The following RIPOR3 variants were observed in gnomAD, a reference collection of about 807,000 sequenced individuals.
RIPOR3 encodes family with sequence similarity 65 member C.
A neutral mutation model predicts 114.3 loss-of-function variants in RIPOR3; 95 were observed. The observed-to-expected ratio is 0.83, with a 90% CI of 0.70 to 0.99. The LOEUF (loss-of-function observed/expected upper bound fraction) is 0.99, where lower values mean the gene tolerates loss of function less well. Ranked by LOEUF, RIPOR3 falls within the 50% of genes least tolerant of loss-of-function variation. The pLI is 0.00. For missense variants in RIPOR3, 1,252 were observed against 1,266.9 expected, an observed-to-expected ratio of 0.99 and a Z score of 0.18; for synonymous variants, 575 against 543.8, an observed-to-expected ratio of 1.06 and a Z score of -0.80.
chr20:50,660,749 C>CTTTTTTTTT (rs58201824), intron 1 of RIPOR3, among the ~76,000 whole-genome samples: 2 of 83,256 alleles, frequency 2.4e-5, no homozygotes, highest in African/African-American at 4.3e-5. Context: ...TGGGATTTAC[C>CTTTTTTTTT]TTTTTTTTTT....
intron 13 of RIPOR3, among the ~76,000 whole-genome samples, 163 bp downstream of exon 13, chr20:50,601,909 T>A (rs2083508074): frequency 6.6e-6 from 1 of 152,204 alleles, no homozygotes; most frequent in Non-Finnish European, 1.5e-5. Flanking sequence ...TTATCCCCGC[T>A]TGCCAGATGA....
chr20:50,684,797 AC>A (rs2123629041), intron 1 of RIPOR3, among the ~76,000 whole-genome samples: 1 of 152,268 alleles, frequency 6.6e-6, no homozygotes, highest in East Asian at 1.9e-4. Context: ...TGTTTTTGAG[AC>A]AGCGTCTCAT....
In RIPOR3 at chr20:50,672,704, A is replaced by C. The variant is rs530398690; in HGVS notation, c.3+18422T>G. Among the ~76,000 whole-genome samples the C allele has an allele frequency of 3.9e-5, 6 of 152,326 alleles. No individual in the cohort carries two copies. The South Asian group carries it at 1.2e-3, about 32-fold the overall frequency. ...GTGTAACAGATACCAGCTCCAAGTC[A>C]GGAGAATGGACTTTCCACCTGCATG... On this transcript the variant is annotated intron_variant, in intron 1 of 21. Transcript: ENST00000327979.
chr20:50,689,172 CTTT>C (rs71964773), intron 1 of RIPOR3, among the ~76,000 whole-genome samples: 14 of 88,810 alleles, frequency 1.6e-4, no homozygotes, highest in East Asian at 3.2e-4. Context: ...CTCCAAACTT[CTTT>C]TTTTTTTTTT....
chr20:50,667,379 C>T (rs184187996), intron 1 of RIPOR3, among the ~76,000 whole-genome samples: 19 of 150,126 alleles, frequency 1.3e-4, no homozygotes, highest in African/African-American at 4.4e-4. Context: ...CTGCAACCTC[C>T]ACCTCCTGGG....
intron 1 of RIPOR3, among the ~76,000 whole-genome samples, chr20:50,683,294 T>C (rs2086917155): frequency 6.6e-6 from 1 of 152,180 alleles, no homozygotes; most frequent in African/African-American, 2.4e-5. Flanking sequence ...AATGGTTGTC[T>C]GAGTTCCAGC....
chr20:50,588,168 G>A (rs1426256482), intron 20 of RIPOR3, among the ~76,000 whole-genome samples: 1 of 152,244 alleles, frequency 6.6e-6, no homozygotes, highest in Non-Finnish European at 1.5e-5. Context: ...GGCTAGAATT[G>A]AAAAGGAGAC....
intron 1 of RIPOR3, among the ~76,000 whole-genome samples, chr20:50,654,434 T>TG (rs796308843): frequency 0.015 from 2,043 of 135,396 alleles, 84 homozygotes; most frequent in African/African-American, 0.052. Flanking sequence ...TTTTTTTTTT[T>TG]TTTTTTTTTT....
chr20:50,608,291 T>C, intron 11 of RIPOR3, 98 bp downstream of exon 11: 1 of 1,552,526 alleles, frequency 6.4e-7, no homozygotes, highest in Non-Finnish European at 8.7e-7. Flanking sequence ...GGGACACCCT[T>C]GGCAGAGGCT....
rs767551876 is a variant in RIPOR3 at position 50,593,099 on chromosome 20, G to T, written c.2310C>A (p.His770Gln). 2.3e-5 allele frequency: 37 copies of T among 1,614,118 alleles called. No individual in the cohort carries two copies. The highest frequency in any genetic ancestry group is 3.1e-5 in the Non-Finnish European group (36 of 1,180,034). Reference sequence around the variant, plus strand: ...AGACGCTCTGCCTCTGCAGGTAGCTGTGAAACTGGAACCAGGTAATGATCT... The same window carrying T: ...AGACGCTCTGCCTCTGCAGGTAGCTTTGAAACTGGAACCAGGTAATGATCT... ...EEQIITWFQFHSYLQRQSVSD... is the reference protein window; with the variant it reads ...EEQIITWFQFQSYLQRQSVSD... Residue 770 changes from histidine (H) to glutamine (Q), a missense_variant, in exon 18 of 22, where the codon CAC becomes CAA. By Grantham distance (24) the His-to-Gln change is conservative (BLOSUM62 0). Transcript: ENST00000327979.
chr20:50,650,724 A>G (rs1234398574), intron 1 of RIPOR3, among the ~76,000 whole-genome samples: 1 of 152,174 alleles, frequency 6.6e-6, no homozygotes, highest in African/African-American at 2.4e-5. Flanking sequence ...AAGTACCAAT[A>G]TCACTATTGC....
At position 50,602,209 on chromosome 20, in the gene RIPOR3, C is replaced by A; in HGVS notation, c.1522G>T (p.Asp508Tyr). Residue 508 changes from aspartate (D) to tyrosine (Y), a missense_variant, in exon 13 of 22, where the codon GAC becomes TAC. Coordinates refer to ENST00000327979, the MANE Select transcript of RIPOR3 (RefSeq NM_001290268.2). This position sits in a 1 kb window ranked among gnomAD's most constrained non-coding sequence, Gnocchi z 4.3. ...GCCACGCCAGGCCCGTCCTCTCTGT[C>A]CCCGGTTGCCCCTTCCTCGTGGCCG... ...QNGHEEGATG[D>Y]REDGPGVALE... The A allele has an allele frequency of 6.2e-7, 1 of 1,613,754 alleles. No homozygotes were observed. Among genetic ancestry groups the A allele is most frequent in the South Asian group, 1.1e-5 (1 of 91,058 alleles).
chr20:50,611,007 G>GGCCTTAGTGCCGGGCC, intron 5 of RIPOR3, 101 bp from the exon 6 acceptor site: 1 of 1,542,992 alleles, frequency 6.5e-7, no homozygotes, highest in African/African-American at 1.4e-5. Flanking sequence ...TCAGAGAATG[G>GGCCTTAGTGCCGGGCC]GGCCCCTCAC....
At chr20:50,610,264 A>C (rs1350603501) in intron 6 of RIPOR3, among the ~76,000 whole-genome samples, 2 of 152,166 alleles carry the variant, frequency 1.3e-5, no homozygotes, top group East Asian at 1.9e-4. Flanking sequence ...CACCTGCTGC[A>C]TACCCAGCTC....
At position 50,608,628 on chromosome 20, in the gene RIPOR3, C is replaced by T. The variant is rs747544617; in HGVS notation, c.795G>A (p.Glu265=). 6.2e-7 allele frequency: 1 copy of T among 1,614,060 alleles called. No homozygotes were observed. The highest frequency in any genetic ancestry group is 1.7e-5 in the Admixed American group (1 of 60,020). ...EEKAFIPTLH[E]NLDIKVTELR... ...CCATCCCCACCTTGATGTCCAGGTT[C>T]TCATGCAGCGTGGGGATGAAGGCCT... The change falls in exon 10 of 22, where the codon GAG becomes GAA. Residue 265 remains glutamate, a synonymous_variant. Transcript: ENST00000327979.
At chr20:50,683,176 T>G (rs961847447) in intron 1 of RIPOR3, among the ~76,000 whole-genome samples, 1 of 152,186 alleles carries the variant, frequency 6.6e-6, no homozygotes, top group Admixed American at 6.5e-5. Flanking sequence ...TATCCACAAT[T>G]TTTAGAAAGG....
At chr20:50,667,863 C>T (rs983387939) in intron 1 of RIPOR3, among the ~76,000 whole-genome samples, 2 of 152,182 alleles carry the variant, frequency 1.3e-5, no homozygotes, top group Non-Finnish European at 2.9e-5. Flanking sequence ...GGGTAAGTTC[C>T]GTAGCCTCTC....
At chr20:50,610,478 G>A (rs899941643) in intron 6 of RIPOR3, among the ~76,000 whole-genome samples, 15 of 152,272 alleles carry the variant, frequency 9.9e-5, no homozygotes, top group African/African-American at 3.1e-4. Flanking sequence ...TCTGCTATGC[G>A]ACCTTGGGCC....
intron 19 of RIPOR3, 83 bp from the exon 20 acceptor site, chr20:50,589,852 G>A (rs1234574194): frequency 7.4e-6 from 9 of 1,220,718 alleles, no homozygotes; most frequent in African/African-American, 3.0e-5. Flanking sequence ...ACCAGGTGCC[G>A]ACAGTAAGGC....
Sources: allele counts gnomAD v4.1 joint callset (sites outside exome capture counted in the v4.1 genomes callset), GRCh38; gene constraint gnomAD v4.1.1; non-coding constraint Gnocchi (gnomAD v3.1); transcripts MANE v1.5; gene names NCBI Gene and HGNC (gene_info 2026-07-23, HGNC 2026-07-21).